The following SOX6 variants were observed in gnomAD, a reference collection of about 807,000 sequenced individuals.
SOX6 encodes the protein SRY-box transcription factor 6.
A neutral mutation model predicts 97.8 loss-of-function variants in SOX6; 11 were observed. The ratio of observed to expected loss-of-function variants is 0.11; its 90% CI spans 0.07 to 0.19. The LOEUF is 0.19. Ranked by LOEUF, SOX6 falls within the 10% of genes least tolerant of loss-of-function variation. The pLI is 1.00. For synonymous variants in SOX6, 360 were observed against 371.4 expected (o/e 0.97, Z 0.35); for missense variants, 810 against 1,039.5 (o/e 0.78, Z 3.04).
At chr11:16,441,408 T>C (rs2133086063) in intron 1 of SOX6, among the ~76,000 whole-genome samples, 1 of 152,300 alleles carries the variant, frequency 6.6e-6, no homozygotes, top group African/African-American at 2.4e-5. Context: ...TTTCCCTATA[T>C]GCTACAAAAA....
chr11:16,108,096 G>A (rs115621851), intron 7 of SOX6, among the ~76,000 whole-genome samples: 220 of 152,266 alleles, frequency 1.4e-3, no homozygotes, highest in African/African-American at 5.2e-3. Flanking sequence ...AAAAAGTGAG[G>A]TTCAGCAAGA....
rs75835824 is a variant in SOX6 at position 16,073,609 on chromosome 11, C to T, written c.1102-17708G>A. Reference sequence around the variant, plus strand: ...CAAATGGGCCTAACAGCTACAGAACCCTCCACCCCACAAAAAAACAGAATA... The same window carrying T: ...CAAATGGGCCTAACAGCTACAGAACTCTCCACCCCACAAAAAAACAGAATA... On this transcript the variant is annotated intron_variant, in intron 9 of 15. Transcript: ENST00000683767. 8.2e-3 allele frequency among the ~76,000 whole-genome samples: 1,245 copies of T among 152,130 alleles called. 13 individuals carry two copies. The highest frequency in any genetic ancestry group is 0.029 in the African/African-American group (1,201 of 41,498).
intron 9 of SOX6, among the ~76,000 whole-genome samples, chr11:16,073,635 T>C (rs557085511): frequency 6.6e-6 from 1 of 152,204 alleles, no homozygotes; most frequent in South Asian, 2.1e-4. Flanking sequence ...AAACAGAATA[T>C]ACATTCTTCT....
chr11:16,678,313 G>C (rs1452066789), intron 3 of SOX6, among the ~76,000 whole-genome samples: 1 of 152,064 alleles, frequency 6.6e-6, no homozygotes, highest in Non-Finnish European at 1.5e-5. Flanking sequence ...GGGACTAATT[G>C]AACAGCATTC....
At chr11:16,604,911 AGCGCCGGGG>A (rs1848315857) in intron 4 of SOX6, among the ~76,000 whole-genome samples, 1 of 152,170 alleles carries the variant, frequency 6.6e-6, no homozygotes, top group Admixed American at 6.5e-5. Flanking sequence ...AGCTCTGCGG[AGCGCCGGGG>A]AAGCAGCCCG....
intron 4 of SOX6, among the ~76,000 whole-genome samples, chr11:16,553,188 G>A (rs895810212): frequency 2.6e-5 from 4 of 152,158 alleles, no homozygotes; most frequent in Admixed American, 1.3e-4. Flanking sequence ...CTTGGCTTTG[G>A]CTAGGAAAGA....
chr11:16,119,016 A>C (rs1849423385), intron 6 of SOX6, among the ~76,000 whole-genome samples: 1 of 152,148 alleles, frequency 6.6e-6, no homozygotes, highest in South Asian at 2.1e-4. Flanking sequence ...GAGAGAGAGA[A>C]GGTGGGAGAG....
At position 16,186,764 on chromosome 11, in the gene SOX6, T is replaced by A; in HGVS notation, c.708+19A>T. 1.9e-6 allele frequency: 3 copies of A among 1,612,364 alleles called. No individual in the cohort carries two copies. Among genetic ancestry groups the A allele is most frequent in the South Asian group, 2.2e-5 (2 of 91,020 alleles). On this transcript the variant is annotated intron_variant, in intron 5 of 15. Transcript: ENST00000683767. ...ACATTCCACATCTCCAGTTCGTCAG[T>A]GCCTTTTGCAGGGCTCACCTGTTCT...
intron 3 of SOX6, among the ~76,000 whole-genome samples, chr11:16,711,476 T>C (rs1255575423): frequency 6.6e-6 from 1 of 152,180 alleles, no homozygotes; most frequent in Non-Finnish European, 1.5e-5. Context: ...TTAGCTGTGA[T>C]CGTGCTACTG....
chr11:16,512,789 T>TA (rs375878554), intron 4 of SOX6, among the ~76,000 whole-genome samples: 1 of 152,226 alleles, frequency 6.6e-6, no homozygotes, highest in East Asian at 1.9e-4. Context: ...ATCATGAATG[T>TA]AAAAAACTCA....
At position 16,332,755 on chromosome 11, in the gene SOX6, G is replaced by A. The variant is rs1412788486; in HGVS notation, c.237+8257C>T. On this transcript the variant is annotated intron_variant, in intron 2 of 15. Transcript: ENST00000683767. ...TGCATCACCTAAAAAACAATGCCTA[G>A]GGGTCAAGAGAATGTAGTAAAGGTT... 2.0e-5 allele frequency among the ~76,000 whole-genome samples: 3 copies of A among 152,172 alleles called. No individual in the cohort carries two copies. The East Asian group carries it at 5.8e-4, about 29-fold the overall frequency.
chr11:16,615,960 T>C (rs1848466614), intron 3 of SOX6, among the ~76,000 whole-genome samples: 1 of 152,186 alleles, frequency 6.6e-6, no homozygotes, highest in South Asian at 2.1e-4. Context: ...ATAAGGGTTA[T>C]AGGATAATAA....
chr11:16,287,300 A>T (rs866418234), intron 3 of SOX6, among the ~76,000 whole-genome samples: 59 of 145,826 alleles, frequency 4.0e-4, no homozygotes, highest in African/African-American at 1.5e-3. Context: ...TCTCTCTCTC[A>T]CACACACACA....
intron 13 of SOX6, among the ~76,000 whole-genome samples, chr11:16,002,941 C>CTT (rs1222394084): frequency 6.6e-6 from 1 of 152,214 alleles, no homozygotes; most frequent in African/African-American, 2.4e-5. Flanking sequence ...CCTTCACTAT[C>CTT]TTTGCTGGAC....
chr11:16,438,547 T>G (rs1183328916), intron 1 of SOX6, among the ~76,000 whole-genome samples: 2 of 152,186 alleles, frequency 1.3e-5, no homozygotes, highest in Non-Finnish European at 2.9e-5. Flanking sequence ...ATGAATTCTT[T>G]ATTTTGAAGA....
At chr11:16,494,705 C>A (rs1195660455) in intron 4 of SOX6, among the ~76,000 whole-genome samples, 1 of 152,136 alleles carries the variant, frequency 6.6e-6, no homozygotes, top group Non-Finnish European at 1.5e-5. Flanking sequence ...GGAAACCAAG[C>A]AGCCTGCCTG....
intron 9 of SOX6, among the ~76,000 whole-genome samples, chr11:16,095,129 G>T (rs188725313): frequency 6.6e-6 from 1 of 151,962 alleles, no homozygotes; most frequent in East Asian, 1.9e-4. Flanking sequence ...TATAAAATCT[G>T]CTATTATATC....
intron 2 of SOX6, among the ~76,000 whole-genome samples, chr11:16,324,966 T>A (rs895269470): frequency 6.6e-6 from 1 of 152,054 alleles, no homozygotes; most frequent in African/African-American, 2.4e-5. Context: ...GGAAATATAG[T>A]TAGATAGAAG....
intron 12 of SOX6, among the ~76,000 whole-genome samples, chr11:16,024,960 CTCT>C (rs1330561596): frequency 6.6e-6 from 1 of 152,112 alleles, no homozygotes; most frequent in Non-Finnish European, 1.5e-5. Flanking sequence ...CACATTTAGA[CTCT>C]TGTCACTGAC....
Sources: gnomAD v4.1 joint callset for allele counts (sites outside exome capture counted in the v4.1 genomes callset) on GRCh38, gnomAD v4.1.1 for gene constraint, MANE v1.5 for transcripts, NCBI Gene and HGNC (gene_info 2026-07-23, HGNC 2026-07-21) for gene names.